Variants in CTNND2 observed in about 807,000 individuals in gnomAD.
CTNND2 encodes catenin delta-2.
A neutral mutation model predicts 144.4 loss-of-function variants in CTNND2; 22 were observed. The observed-to-expected ratio is 0.15, with a 90% CI of 0.11 to 0.22. CTNND2 has a LOEUF of 0.22. Among genes scored for constraint, CTNND2 ranks in the 10% least tolerant of loss-of-function variants. CTNND2 has a pLI of 1.00. For missense variants in CTNND2, 1,353 were observed against 1,618.8 expected (o/e 0.84, Z 2.82); for synonymous variants, 751 against 695.6 (o/e 1.08, Z -1.25).
At chr5:11,840,780 T>C (rs1055628489) in intron 1 of CTNND2, among the ~76,000 whole-genome samples, 7 of 152,188 alleles carry the variant, frequency 4.6e-5, no homozygotes, top group African/African-American at 1.7e-4. Flanking sequence ...GAAATACTGG[T>C]AATTAATGTA....
chr5:11,793,452 G>A (rs1278924427), intron 1 of CTNND2, among the ~76,000 whole-genome samples: 2 of 152,180 alleles, frequency 1.3e-5, no homozygotes, highest in Admixed American at 1.3e-4. Context: ...TTGGAAATAG[G>A]ATTGTTGCAA....
At chr5:11,336,388 A>T (rs1452882393) in intron 9 of CTNND2, among the ~76,000 whole-genome samples, 1 of 152,202 alleles carries the variant, frequency 6.6e-6, no homozygotes, top group Non-Finnish European at 1.5e-5. Flanking sequence ...TAAACACACA[A>T]CCAGAATGGG....
intron 1 of CTNND2, among the ~76,000 whole-genome samples, chr5:11,879,379 A>ATATATATATATATG (rs1735859394): frequency 6.9e-6 from 1 of 144,162 alleles, no homozygotes; most frequent in Non-Finnish European, 1.5e-5. Flanking sequence ...ACACACAAAC[A>ATATATATATATATG]TATACATACA....
intron 3 of CTNND2, among the ~76,000 whole-genome samples, chr5:11,508,754 A>T (rs1483514825): frequency 2.0e-5 from 3 of 152,128 alleles, no homozygotes; most frequent in African/African-American, 7.2e-5. Context: ...TCTACTAAAA[A>T]TACAAAATTA....
At chr5:11,361,652 A>C (rs1334117439) in intron 8 of CTNND2, among the ~76,000 whole-genome samples, 1 of 152,192 alleles carries the variant, frequency 6.6e-6, no homozygotes, top group East Asian at 1.9e-4. Flanking sequence ...TACAAGCTAG[A>C]TGCTTCCCCA....
intron 3 of CTNND2, among the ~76,000 whole-genome samples, chr5:11,443,417 GGT>G (rs1283197332): frequency 6.8e-5 from 9 of 131,450 alleles, no homozygotes; most frequent in South Asian, 5.1e-4. Flanking sequence ...GGGGGTGTGT[GGT>G]GTGTGTGTGT....
intron 1 of CTNND2, among the ~76,000 whole-genome samples, chr5:11,756,211 A>C (rs993380603): frequency 2.0e-5 from 3 of 151,754 alleles, no homozygotes; most frequent in Non-Finnish European, 4.4e-5. Context: ...CAAAATTATT[A>C]ACAAGTGGCT....
At chr5:11,013,249 C>G (rs1741273790) in intron 18 of CTNND2, among the ~76,000 whole-genome samples, 1 of 152,192 alleles carries the variant, frequency 6.6e-6, no homozygotes, top group South Asian at 2.1e-4. Flanking sequence ...TGTCCACTCT[C>G]CATCAAACTT....
chr5:11,445,100 G>T (rs1029264185), intron 3 of CTNND2, among the ~76,000 whole-genome samples: 6 of 152,186 alleles, frequency 3.9e-5, no homozygotes, highest in Admixed American at 3.9e-4. Flanking sequence ...GAAGTCTGAA[G>T]TGAGGATGCT....
chr5:11,700,849 T>C (rs1368486997), intron 2 of CTNND2, among the ~76,000 whole-genome samples: 1 of 152,328 alleles, frequency 6.6e-6, no homozygotes, highest in Non-Finnish European at 1.5e-5. Flanking sequence ...TTGAAAAGCA[T>C]GTGATCTACT....
intron 3 of CTNND2, among the ~76,000 whole-genome samples, chr5:11,506,717 T>C (rs1188665077): frequency 6.6e-6 from 1 of 152,246 alleles, no homozygotes; most frequent in African/African-American, 2.4e-5. Context: ...GTAAACACTA[T>C]GAGGCATGCC....
intron 3 of CTNND2, among the ~76,000 whole-genome samples, chr5:11,494,210 T>C (rs948947605): frequency 4.6e-5 from 7 of 152,196 alleles, no homozygotes; most frequent in Admixed American, 1.3e-4. Flanking sequence ...TCACTGCTAA[T>C]AGATTAAGTG....
chr5:11,441,696 G>T (rs1017236213), intron 3 of CTNND2, among the ~76,000 whole-genome samples: 1 of 136,698 alleles, frequency 7.3e-6, no homozygotes, highest in Non-Finnish European at 1.5e-5. Flanking sequence ...CACTTGGCCC[G>T]GTCTATCCAA....
chr5:11,165,519 G>T (rs1264017035), intron 11 of CTNND2, among the ~76,000 whole-genome samples: 1 of 152,062 alleles, frequency 6.6e-6, no homozygotes, highest in African/African-American at 2.4e-5. Context: ...ATGAAAATAT[G>T]CTAATTCCTT....
chr5:11,323,176 C>T (rs1161442464), intron 9 of CTNND2, among the ~76,000 whole-genome samples: 1 of 149,768 alleles, frequency 6.7e-6, no homozygotes, highest in Non-Finnish European at 1.5e-5. Flanking sequence ...GCAGCCAGGA[C>T]TACAGTGTGC....
At chr5:11,782,120 C>T (rs752158909) in intron 1 of CTNND2, among the ~76,000 whole-genome samples, 16 of 152,192 alleles carry the variant, frequency 1.1e-4, no homozygotes, top group Non-Finnish European at 2.2e-4. Flanking sequence ...ACTCTCTTGC[C>T]TGCCACCATT....
chr5:11,379,985 C>T (rs972767862), intron 7 of CTNND2, among the ~76,000 whole-genome samples: 2 of 152,210 alleles, frequency 1.3e-5, no homozygotes, highest in Non-Finnish European at 2.9e-5. Flanking sequence ...ACCCCACACA[C>T]ACCCTCTCAA....
intron 1 of CTNND2, among the ~76,000 whole-genome samples, chr5:11,896,941 G>C (rs903749410): frequency 6.6e-6 from 1 of 152,124 alleles, no homozygotes; most frequent in Non-Finnish European, 1.5e-5. Flanking sequence ...TTCAACCTGA[G>C]TTAAGCAACA....
chr5:11,617,911 T>G (rs1780654874), intron 2 of CTNND2, among the ~76,000 whole-genome samples: 1 of 152,184 alleles, frequency 6.6e-6, no homozygotes, highest in Non-Finnish European at 1.5e-5. Context: ...GCCCACATTT[T>G]ATGGATGGAA....
Sources: allele counts gnomAD v4.1 joint callset (sites outside exome capture counted in the v4.1 genomes callset), GRCh38; gene constraint gnomAD v4.1.1; transcripts MANE v1.5; gene names NCBI Gene and HGNC (gene_info 2026-07-23, HGNC 2026-07-21).